COL19A1: variants seen among roughly 807,000 people sequenced by gnomAD.
The protein encoded by COL19A1 is collagen type XIX alpha 1 chain.
A neutral mutation model predicts 190.2 loss-of-function variants in COL19A1; 159 were observed. The observed-to-expected ratio is 0.84, with a 90% CI of 0.73 to 0.95. The LOEUF is 0.95. Ranked by LOEUF, COL19A1 falls within the 40% of genes least tolerant of loss-of-function variation. The pLI is 0.00. For synonymous variants in COL19A1, 509 were observed against 458.9 expected (o/e 1.11, Z -1.39); for missense variants, 1,418 against 1,431.9 (o/e 0.99, Z 0.16).
intron 17 of COL19A1, among the ~76,000 whole-genome samples, chr6:70,123,456 G>A (rs1259402522): frequency 6.6e-6 from 1 of 151,194 alleles, no homozygotes; most frequent in East Asian, 1.9e-4. Flanking sequence ...TCCCATTACT[G>A]GGTATATACC....
At chr6:70,164,166 C>T (rs185947391) in intron 36 of COL19A1, among the ~76,000 whole-genome samples, 1 of 152,214 alleles carries the variant, frequency 6.6e-6, no homozygotes, top group African/African-American at 2.4e-5. Context: ...AGCTTGTTTC[C>T]TGGGGAGATC....
At chr6:69,997,048 GAA>G (rs1491095191) in intron 11 of COL19A1, among the ~76,000 whole-genome samples, 5,508 of 147,994 alleles carry the variant, frequency 0.037, 267 homozygotes, top group African/African-American at 0.11. Context: ...GAGAGAGAGA[GAA>G]AGAGAACCAA....
chr6:69,962,506 G>A (rs1181013454), intron 10 of COL19A1, among the ~76,000 whole-genome samples: 1 of 152,096 alleles, frequency 6.6e-6, no homozygotes, highest in African/African-American at 2.4e-5. Flanking sequence ...GAACTATGAG[G>A]ATGAATCAAA....
intron 15 of COL19A1, among the ~76,000 whole-genome samples, chr6:70,085,231 C>G (rs1227393651): frequency 6.6e-6 from 1 of 152,118 alleles, no homozygotes; most frequent in East Asian, 1.9e-4. Flanking sequence ...CACAGTTGCC[C>G]AGGAAGAAGT....
chr6:69,919,957 T>C lies in COL19A1; in HGVS notation c.267-7952T>C, dbSNP rs185640392. On this transcript the variant is annotated intron_variant, in intron 4 of 50. Transcript: ENST00000620364. Reference sequence around the variant, plus strand: ...TTTAGGTGTGTGAGGGGGTGCAGTATGTGCCAATTCTCCCTCATCTCTGTC... The same window carrying C: ...TTTAGGTGTGTGAGGGGGTGCAGTACGTGCCAATTCTCCCTCATCTCTGTC... 7.8e-3 allele frequency among the ~76,000 whole-genome samples: 1,187 copies of C among 152,232 alleles called. 7 individuals carry two copies. The highest frequency in any genetic ancestry group is 0.012 in the Non-Finnish European group (784 of 68,002).
At chr6:70,092,159 G>A (rs930510009) in intron 15 of COL19A1, among the ~76,000 whole-genome samples, 3 of 152,058 alleles carry the variant, frequency 2.0e-5, no homozygotes, top group Non-Finnish European at 2.9e-5. Flanking sequence ...GCGCACACAC[G>A]TCTAAGACAG....
chr6:70,062,115 C>A (rs935427163), intron 14 of COL19A1, among the ~76,000 whole-genome samples: 5 of 151,688 alleles, frequency 3.3e-5, no homozygotes, highest in South Asian at 4.2e-4. Context: ...AAATTGCTCC[C>A]AAAGTAGATA....
chr6:69,995,579 G>A (rs1477609026), intron 11 of COL19A1, among the ~76,000 whole-genome samples: 1 of 151,286 alleles, frequency 6.6e-6, no homozygotes, highest in African/African-American at 2.4e-5. Context: ...TCAAAGCAAA[G>A]ACTATGTCTT....
chr6:69,898,928 C>CT lies in COL19A1; in HGVS notation c.92-13dup. 1.3e-6 allele frequency: 2 copies of CT among 1,504,588 alleles called. No homozygotes were observed. Among genetic ancestry groups the CT allele is most frequent in the Non-Finnish European group, 1.8e-6 (2 of 1,086,488 alleles). 93.2% of individuals were successfully genotyped at this position (1,504,588 alleles called of 1,614,324 possible). On this transcript the variant is annotated intron_variant, in intron 2 of 50. Coordinates refer to ENST00000620364, the MANE Select transcript of COL19A1 (RefSeq NM_001858.6). The stretch of plus-strand genomic sequence containing the variant: ...TCATACATAATGCAAATCCTCTATG[C>CT]TTTTTTTCTTTTTAAATAGAAGAGT...
chr6:70,078,517 G>A (rs986875163), intron 15 of COL19A1, among the ~76,000 whole-genome samples: 1 of 152,142 alleles, frequency 6.6e-6, no homozygotes, highest in Non-Finnish European at 1.5e-5. Flanking sequence ...GCCCTCACAG[G>A]GTGGGGAGAT....
chr6:70,137,484 G>C (rs1785942388), intron 18 of COL19A1, among the ~76,000 whole-genome samples: 1 of 152,076 alleles, frequency 6.6e-6, no homozygotes, highest in African/African-American at 2.4e-5. Flanking sequence ...ATTTCTAAAA[G>C]ACATAAAGCC....
intron 11 of COL19A1, chr6:69,973,777 T>C (rs758814358): frequency 2.0e-5 from 3 of 152,202 alleles, no homozygotes; most frequent in Admixed American, 1.3e-4. Flanking sequence ...TTCCAGATGG[T>C]AAAAAGATAA....
At chr6:70,120,665 A>G (rs1784836278) in intron 16 of COL19A1, among the ~76,000 whole-genome samples, 1 of 152,216 alleles carries the variant, frequency 6.6e-6, no homozygotes, top group South Asian at 2.1e-4. Flanking sequence ...TTCCAATCAT[A>G]GGCAACACCA....
chr6:70,024,608 T>TGTGTGTGG (rs1182741340), intron 12 of COL19A1, among the ~76,000 whole-genome samples: 1 of 148,442 alleles, frequency 6.7e-6, no homozygotes, highest in African/African-American at 2.5e-5. Flanking sequence ...TGTGTGTGTG[T>TGTGTGTGG]GTGTGTGGGT....
At chr6:70,108,085 G>A (rs1250155916) in intron 16 of COL19A1, among the ~76,000 whole-genome samples, 1 of 152,120 alleles carries the variant, frequency 6.6e-6, no homozygotes, top group Non-Finnish European at 1.5e-5. Flanking sequence ...GAAAAGAGAG[G>A]AAAGCAGCTG....
chr6:69,869,048 A>C (rs201018638), intron 1 of COL19A1, among the ~76,000 whole-genome samples: 6 of 143,886 alleles, frequency 4.2e-5, no homozygotes, highest in Admixed American at 1.4e-4. Context: ...AAAAAAAAAA[A>C]CCCAGAATGA....
At chr6:70,003,199 C>G (rs1325996991) in intron 11 of COL19A1, among the ~76,000 whole-genome samples, 2 of 152,100 alleles carry the variant, frequency 1.3e-5, no homozygotes, top group African/African-American at 4.8e-5. Flanking sequence ...TTTTGAGTTT[C>G]TTAATCCTGA....
intron 11 of COL19A1, among the ~76,000 whole-genome samples, chr6:70,005,831 C>T (rs1172084070): frequency 6.6e-6 from 1 of 152,124 alleles, no homozygotes; most frequent in African/African-American, 2.4e-5. Flanking sequence ...CAGGGAGATC[C>T]AGGTTCTGTC....
intron 16 of COL19A1, among the ~76,000 whole-genome samples, chr6:70,112,069 C>T (rs981096903): frequency 6.6e-6 from 1 of 152,154 alleles, no homozygotes; most frequent in African/African-American, 2.4e-5. Context: ...CACCTAATTA[C>T]AGTAAATGGA....
Sources: allele counts gnomAD v4.1 joint callset (sites outside exome capture counted in the v4.1 genomes callset), GRCh38; gene constraint gnomAD v4.1.1; transcripts MANE v1.5; gene names NCBI Gene and HGNC (gene_info 2026-07-23, HGNC 2026-07-21).